Variants in SCUBE1 observed in about 807,000 individuals in gnomAD.
SCUBE1 encodes the protein signal peptide, CUB domain and EGF like domain containing 1, also known as signal peptide, CUB and EGF-like domain-containing protein 1.
Under a neutral mutation model 124.4 loss-of-function variants are expected in SCUBE1, and 59 were observed. The observed-to-expected ratio is 0.47, with a 90% CI of 0.38 to 0.59. The LOEUF (loss-of-function observed/expected upper bound fraction) is 0.59, where lower values mean the gene tolerates loss of function less well. SCUBE1 is among the 20% of genes least tolerant of loss of function. The pLI, the probability that SCUBE1 is intolerant of heterozygous loss-of-function variation, is 0.00. For synonymous variants in SCUBE1, 545 were observed against 550.9 expected, an observed-to-expected ratio of 0.99 and a Z score of 0.15; for missense variants, 1,150 against 1,371.2, an observed-to-expected ratio of 0.84 and a Z score of 2.55.
chr22:43,216,635 A>T (rs1297764300), intron 15 of SCUBE1, among the ~76,000 whole-genome samples: 1 of 151,992 alleles, frequency 6.6e-6, no homozygotes, highest in African/African-American at 2.4e-5. Flanking sequence ...CTGGCTACAG[A>T]GCGAGACTCT....
chr22:43,206,353 C>A (rs1411474177), intron 21 of SCUBE1, among the ~76,000 whole-genome samples: 1 of 151,802 alleles, frequency 6.6e-6, no homozygotes, highest in African/African-American at 2.4e-5. Flanking sequence ...ACTCACCACA[C>A]ATGCCTCCAC....
chr22:43,343,110 G>T, intron 1 of SCUBE1, 64 bp downstream of exon 1: 6 of 824,260 alleles, frequency 7.3e-6, no homozygotes, highest in Non-Finnish European at 7.7e-6. Flanking sequence ...AAGCCCTCCG[G>T]GACCGCGCCT....
At chr22:43,274,089 C>G (rs566543520) in intron 4 of SCUBE1, among the ~76,000 whole-genome samples, 1 of 152,212 alleles carries the variant, frequency 6.6e-6, no homozygotes, top group Admixed American at 6.5e-5. Flanking sequence ...GGTGTCACCG[C>G]AATCAAGTTT....
At chr22:43,219,136 TG>T (rs1160930509) in intron 14 of SCUBE1, among the ~76,000 whole-genome samples, 1 of 152,182 alleles carries the variant, frequency 6.6e-6, no homozygotes, top group Non-Finnish European at 1.5e-5. Flanking sequence ...TCCCTAATGC[TG>T]GGGGTGGGGC....
chr22:43,268,439 G>A (rs1042647913), intron 4 of SCUBE1, among the ~76,000 whole-genome samples: 22 of 152,228 alleles, frequency 1.4e-4, no homozygotes, highest in African/African-American at 5.3e-4. Context: ...ATGCCCGTCA[G>A]GCCAGGCGGC....
At chr22:43,232,078 C>A in intron 7 of SCUBE1, 2 of 588,512 alleles carry the variant, frequency 3.4e-6, no homozygotes, top group Non-Finnish European at 3.0e-6. Context: ...CTGGGTTGTA[C>A]TGGGAAGGGC....
At chr22:43,216,712 TC>T (rs1339330462) in intron 15 of SCUBE1, among the ~76,000 whole-genome samples, 1 of 151,666 alleles carries the variant, frequency 6.6e-6, no homozygotes, top group East Asian at 1.9e-4. Context: ...GCTCCCTTTG[TC>T]CCCCCTTGTC....
chr22:43,333,720 A>G (rs1321442489), intron 2 of SCUBE1, among the ~76,000 whole-genome samples: 1 of 152,204 alleles, frequency 6.6e-6, no homozygotes, highest in African/African-American at 2.4e-5. Context: ...AGCGGTCAAG[A>G]GGAGAGACCT....
intron 10 of SCUBE1, among the ~76,000 whole-genome samples, chr22:43,226,023 G>A (rs544704438): frequency 6.6e-5 from 10 of 152,178 alleles, no homozygotes; most frequent in South Asian, 2.1e-4. Flanking sequence ...CCACAAGTAC[G>A]TGATAAACTC....
At chr22:43,285,084 C>T (rs1307848287) in intron 4 of SCUBE1, among the ~76,000 whole-genome samples, 2 of 152,190 alleles carry the variant, frequency 1.3e-5, no homozygotes, top group Non-Finnish European at 1.5e-5. Context: ...CGGCCTGTTC[C>T]AGTGCATAAA....
Position 43,201,864 on chromosome 22 carries a change from C to A in SCUBE1, c.*2133G>T, listed in dbSNP as rs542213736. 1 of 152,248 alleles carries A rather than the reference C, an allele frequency of 6.6e-6. No homozygotes were observed. Among genetic ancestry groups the A allele is most frequent in the South Asian group, 2.1e-4 (1 of 4,832 alleles). The allele number at this position is 152,248 out of a possible 1,614,324, so 9.4% of individuals were successfully genotyped here. A position where few individuals can be genotyped will look rare whatever the true frequency, so the allele number is the denominator to read the frequency against. ...CCGGCACCTTCCTCAGGAGCTGTTG[C>A]TGCAGGCTCACTCGGCAGGATGCTC... On this transcript the variant is annotated 3_prime_UTR_variant, in exon 22 of 22. Transcript: ENST00000360835.
chr22:43,307,590 C>A (rs922564575), intron 3 of SCUBE1, among the ~76,000 whole-genome samples: 9 of 152,128 alleles, frequency 5.9e-5, no homozygotes, highest in Non-Finnish European at 1.2e-4. Context: ...GGGCTCTGAC[C>A]CAGCAGCCCA....
intron 4 of SCUBE1, among the ~76,000 whole-genome samples, chr22:43,277,787 G>A (rs1924592980): frequency 6.6e-6 from 1 of 152,224 alleles, no homozygotes; most frequent in Admixed American, 6.5e-5. Context: ...CTCTACATGA[G>A]GCGATGTCTT....
intron 3 of SCUBE1, among the ~76,000 whole-genome samples, chr22:43,305,554 A>T (rs1124909): frequency 0.087 from 13,197 of 152,116 alleles, 1,240 homozygotes; most frequent in African/African-American, 0.22. Flanking sequence ...GGGCATGAGG[A>T]GCCGGGGGAC....
rs138983 is a variant in SCUBE1, at chr22:43,203,911, T to C, written c.*86A>G. The C allele has an allele frequency of 0.3, 417,920 of 1,386,302 alleles. 67,586 individuals carry two copies. Among genetic ancestry groups the C allele is most frequent in the African/African-American group, 0.55 (38,733 of 70,102 alleles). 85.9% of individuals were successfully genotyped at this position (1,386,302 alleles called of 1,614,324 possible). A position where few individuals can be genotyped will look rare whatever the true frequency, so the allele number is the denominator to read the frequency against. ...CAGTGCCATGGGGTTCCCAAGGTGG[T>C]GTGGAGGCCCATGCAGCTCCCACTG... On this transcript the variant is annotated 3_prime_UTR_variant, in exon 22 of 22. Coordinates refer to ENST00000360835, the MANE Select transcript of SCUBE1 (RefSeq NM_173050.5).
At position 43,227,852 on chromosome 22, in the gene SCUBE1, G is replaced by A. The variant is rs141406504; in HGVS notation, c.1085-356C>T. ...CAGGGATTGTGAAACTGATTTTACC[G>A]TGGGACTCTGGACAAGCCCTTTTCT... On this transcript the variant is annotated intron_variant, in intron 9 of 21. Coordinates refer to ENST00000360835, the MANE Select transcript of SCUBE1 (RefSeq NM_173050.5). Among the ~76,000 whole-genome samples, 189 of 152,276 alleles carry A rather than the reference G, an allele frequency of 1.2e-3. 1 individual carries two copies. Among genetic ancestry groups the A allele is most frequent in the African/African-American group, 4.3e-3 (177 of 41,530 alleles).
At chr22:43,313,356 G>A (rs187749917) in intron 3 of SCUBE1, among the ~76,000 whole-genome samples, 15 of 152,306 alleles carry the variant, frequency 9.8e-5, no homozygotes, top group Middle Eastern at 3.4e-3. Flanking sequence ...CTTGAGAGAC[G>A]TATTTTTCAG....
At position 43,238,501 on chromosome 22, in the gene SCUBE1, A is replaced by G. The variant is rs188449429; in HGVS notation, c.844+337T>C. 5.3e-4 allele frequency: 307 copies of G among 581,828 alleles called. 5 individuals are homozygous for G. Among genetic ancestry groups the G allele is most frequent in the African/African-American group, 5.0e-3 (266 of 53,704 alleles). The allele number at this position is 581,828 out of a possible 1,614,324, so 36.0% of individuals were successfully genotyped here. Reference sequence around the variant, plus strand: ...ACGCGCCTTGGGAAGCCACACTATCACTGAGGGCCCAGGAAGTCCCACAGT... The same window carrying G: ...ACGCGCCTTGGGAAGCCACACTATCGCTGAGGGCCCAGGAAGTCCCACAGT... On this transcript the variant is annotated intron_variant, in intron 7 of 21. Coordinates refer to ENST00000360835, the MANE Select transcript of SCUBE1 (RefSeq NM_173050.5).
intron 2 of SCUBE1, among the ~76,000 whole-genome samples, chr22:43,338,105 C>T (rs1447339595): frequency 6.6e-6 from 1 of 152,172 alleles, no homozygotes; most frequent in African/African-American, 2.4e-5. Flanking sequence ...GAGCTATTTC[C>T]AGCCCCCAGA....
Sources: gnomAD v4.1 joint callset for allele counts (sites outside exome capture counted in the v4.1 genomes callset) on GRCh38, gnomAD v4.1.1 for gene constraint, MANE v1.5 for transcripts, NCBI Gene and HGNC (gene_info 2026-07-23, HGNC 2026-07-21) for gene names.